WIPF3: variants seen among roughly 807,000 people sequenced by gnomAD.
WIPF3 encodes the protein WAS/WASL-interacting protein family member 3.
Under a neutral mutation model 38.9 loss-of-function variants are expected in WIPF3, and 33 were observed. The observed-to-expected ratio is 0.85, with a 90% CI of 0.64 to 1.14. The LOEUF is 1.14. WIPF3 is among the 50% of genes most tolerant of loss of function. WIPF3 has a pLI of 0.00. For synonymous variants in WIPF3, 324 were observed against 269.3 expected (o/e 1.20, Z -1.99); for missense variants, 711 against 652.5 (o/e 1.09, Z -0.98).
At chr7:29,833,809 A>G (rs1447598509) in intron 1 of WIPF3, among the ~76,000 whole-genome samples, 2 of 152,312 alleles carry the variant, frequency 1.3e-5, no homozygotes, top group East Asian at 3.9e-4. Context: ...AGGTTCTTAT[A>G]TAGGTTTTTC....
At position 29,888,077 on chromosome 7, in the gene WIPF3, G is replaced by A. The variant is rs760704580; in HGVS notation, c.1109G>A (p.Gly370Glu). Reference sequence around the variant, plus strand: ...TCATCTTCTCTGTAAGGGGCCGGTGGGGGAAAGCTAAATCCACCTCCAGCA... The same window carrying A: ...TCATCTTCTCTGTAAGGGGCCGGTGAGGGAAAGCTAAATCCACCTCCAGCA... ...KKRHGRPGAG[G>E]GKLNPPPAPP... Residue 370 changes from glycine to glutamate, a missense_variant, in exon 6 of 9, where the codon GGG (glycine) becomes GAG (glutamate). Coordinates refer to ENST00000242140, the MANE Select transcript of WIPF3 (RefSeq NM_001080529.3). 2.5e-5 allele frequency: 41 copies of A among 1,613,816 alleles called. No individual in the cohort carries two copies. The highest frequency in any genetic ancestry group is 7.6e-6 in the Non-Finnish European group (9 of 1,179,884).
intron 2 of WIPF3, among the ~76,000 whole-genome samples, chr7:29,859,793 G>T (rs1484039256): frequency 6.6e-6 from 1 of 152,154 alleles, no homozygotes; most frequent in Non-Finnish European, 1.5e-5. Context: ...TTTTACATAA[G>T]TTTATAAGAG....
chr7:29,854,110 C>T (rs567196549), intron 2 of WIPF3, among the ~76,000 whole-genome samples: 18 of 152,316 alleles, frequency 1.2e-4, no homozygotes, highest in East Asian at 3.9e-4. Flanking sequence ...GTGAGGCACC[C>T]GGCCTTTGGA....
intron 2 of WIPF3, among the ~76,000 whole-genome samples, chr7:29,850,790 G>C (rs1316397206): frequency 1.3e-5 from 2 of 152,326 alleles, no homozygotes; most frequent in African/African-American, 4.8e-5. Flanking sequence ...CCTTCCCCAT[G>C]TGTTGGAGGG....
At position 29,878,948 on chromosome 7, in the gene WIPF3, T is replaced by C; in HGVS notation, c.224-61T>C. The C allele has an allele frequency of 1.3e-6, 2 of 1,538,214 alleles. No individual in the cohort carries two copies. The highest frequency in any genetic ancestry group is 1.8e-6 in the Non-Finnish European group (2 of 1,132,124). Reference sequence around the variant, plus strand: ...ACCAGTGTTAGACCATGGTCTGAAATGAGACCTGGCTGCTCAGCTCTGCTC... The same window carrying C: ...ACCAGTGTTAGACCATGGTCTGAAACGAGACCTGGCTGCTCAGCTCTGCTC... On this transcript the variant is annotated intron_variant, in intron 3 of 8. Coordinates refer to ENST00000242140, the MANE Select transcript of WIPF3 (RefSeq NM_001080529.3). This position sits in a 1 kb window ranked among gnomAD's most constrained non-coding sequence, Gnocchi z 4.0.
At chr7:29,825,272 C>T (rs1473744075) in intron 1 of WIPF3, among the ~76,000 whole-genome samples, 2 of 152,266 alleles carry the variant, frequency 1.3e-5, no homozygotes, top group East Asian at 3.9e-4. Flanking sequence ...GTGCAGCAAA[C>T]CACCGTGGTA....
At chr7:29,848,456 C>G (rs770795226) in intron 2 of WIPF3, among the ~76,000 whole-genome samples, 5 of 152,152 alleles carry the variant, frequency 3.3e-5, no homozygotes, top group African/African-American at 4.8e-5. Flanking sequence ...AATTCTGGAT[C>G]ACCTGAGCCC....
chr7:29,851,299 G>A (rs375493569), intron 2 of WIPF3, among the ~76,000 whole-genome samples: 2 of 152,142 alleles, frequency 1.3e-5, no homozygotes, highest in African/African-American at 4.8e-5. Context: ...TGGTGTCTGC[G>A]ATGTTCTCCT....
intron 7 of WIPF3, among the ~76,000 whole-genome samples, chr7:29,897,605 C>A (rs865824811): frequency 6.6e-6 from 1 of 152,258 alleles, no homozygotes; most frequent in South Asian, 2.1e-4. Context: ...AGTAAAAACA[C>A]GCACCGTTAT....
chr7:29,908,364 C>T (rs1289654041), intron 8 of WIPF3, among the ~76,000 whole-genome samples: 1 of 152,092 alleles, frequency 6.6e-6, no homozygotes, highest in Non-Finnish European at 1.5e-5. Context: ...GCAAAACTGA[C>T]AGAATTAAAG....
chr7:29,910,987 T>G (rs1786495121), intron 8 of WIPF3, among the ~76,000 whole-genome samples: 1 of 152,026 alleles, frequency 6.6e-6, no homozygotes, highest in African/African-American at 2.4e-5. Context: ...TATCTCTGTT[T>G]GCAGATGATA....
At chr7:29,851,990 TTTTTTTAA>T (rs1286161701) in intron 2 of WIPF3, among the ~76,000 whole-genome samples, 1 of 152,040 alleles carries the variant, frequency 6.6e-6, no homozygotes, top group Non-Finnish European at 1.5e-5. Context: ...CTTATTTTTA[TTTTTTTAA>T]TTTTTTAATT....
At chr7:29,875,719 G>A (rs1003076772) in intron 2 of WIPF3, 111 bp from the exon 3 acceptor site, 5 of 1,420,594 alleles carry the variant, frequency 3.5e-6, no homozygotes, top group Non-Finnish European at 4.8e-6. Flanking sequence ...ATCAGCCTTG[G>A]GAGTGGGACG....
chr7:29,836,077 G>T (rs1256475113), intron 2 of WIPF3, among the ~76,000 whole-genome samples: 1 of 152,232 alleles, frequency 6.6e-6, no homozygotes, highest in Non-Finnish European at 1.5e-5. Flanking sequence ...CTCTTGCCCT[G>T]CAAGACAGTA....
chr7:29,888,531 G>GTGTGTT (rs1785938355), intron 6 of WIPF3, among the ~76,000 whole-genome samples: 5 of 151,998 alleles, frequency 3.3e-5, no homozygotes. Context: ...GTGTGTGTGT[G>GTGTGTT]TGTCTATGGA....
chr7:29,876,831 C>T (rs1367909589), intron 3 of WIPF3, among the ~76,000 whole-genome samples: 1 of 152,180 alleles, frequency 6.6e-6, no homozygotes, highest in Non-Finnish European at 1.5e-5. Flanking sequence ...GTCCTGTGCT[C>T]AGGTCAGACG....
intron 2 of WIPF3, among the ~76,000 whole-genome samples, chr7:29,862,279 G>A (rs758521182): frequency 1.3e-5 from 2 of 152,180 alleles, no homozygotes; most frequent in Non-Finnish European, 2.9e-5. Context: ...TCAAGATGAG[G>A]CTGGGGGAGA....
At chr7:29,811,036 G>A (rs964756327) in intron 1 of WIPF3, among the ~76,000 whole-genome samples, 1 of 151,666 alleles carries the variant, frequency 6.6e-6, no homozygotes, top group Non-Finnish European at 1.5e-5. Flanking sequence ...CTACAGGCAC[G>A]TGCCACCATG....
At chr7:29,808,690 AGT>A (rs59634993) in intron 1 of WIPF3, among the ~76,000 whole-genome samples, 9,386 of 150,520 alleles carry the variant, frequency 0.062, 387 homozygotes, top group Middle Eastern at 0.18. Flanking sequence ...GAATGGAGGA[AGT>A]GTGTGTGTGT....
Sources: allele counts gnomAD v4.1 joint callset (sites outside exome capture counted in the v4.1 genomes callset), GRCh38; gene constraint gnomAD v4.1.1; non-coding constraint Gnocchi (gnomAD v3.1); transcripts MANE v1.5; gene names NCBI Gene and HGNC (gene_info 2026-07-23, HGNC 2026-07-21).